The following LINGO2 variants were observed in gnomAD, a reference collection of about 807,000 sequenced individuals.
The protein encoded by LINGO2 is leucine rich repeat and Ig domain containing 2.
A neutral mutation model predicts 30.6 loss-of-function variants in LINGO2; 14 were observed. That is an observed-to-expected ratio of 0.46 (90% CI 0.30 to 0.72). The LOEUF is 0.72. Ranked by LOEUF, LINGO2 falls within the 30% of genes least tolerant of loss-of-function variation. The pLI is 0.07. For missense variants in LINGO2, 729 were observed against 751.7 expected, an observed-to-expected ratio of 0.97 and a Z score of 0.35; for synonymous variants, 317 against 288.5, an observed-to-expected ratio of 1.10 and a Z score of -1.00.
chr9:28,983,380 GA>G, the LINGO2 span, among the ~76,000 whole-genome samples: 73 of 148,836 alleles, frequency 4.9e-4, no homozygotes, highest in African/African-American at 1.7e-3. Context: ...CAGCAATGCT[GA>G]AAAGTTCATT....
At chr9:29,066,674 T>C in the LINGO2 span, among the ~76,000 whole-genome samples, 10 of 152,010 alleles carry the variant, frequency 6.6e-5, no homozygotes, top group South Asian at 4.1e-4. Context: ...GGTGGTGATA[T>C]AGAGAATGAA....
intron 4 of LINGO2, among the ~76,000 whole-genome samples, chr9:28,186,661 A>G (rs1254022051): frequency 6.6e-6 from 1 of 152,138 alleles, no homozygotes; most frequent in South Asian, 2.1e-4. Flanking sequence ...AGAATCAAAA[A>G]ATGTGAAGAC....
At chr9:28,383,571 G>A (rs1821445966) in intron 2 of LINGO2, among the ~76,000 whole-genome samples, 2 of 152,018 alleles carry the variant, frequency 1.3e-5, no homozygotes, top group Admixed American at 6.6e-5. Flanking sequence ...GAAACTCACA[G>A]TGCACGAAGC....
At chr9:28,076,353 T>C (rs1196238599) in intron 4 of LINGO2, among the ~76,000 whole-genome samples, 1 of 152,092 alleles carries the variant, frequency 6.6e-6, no homozygotes, top group Non-Finnish European at 1.5e-5. Context: ...GCATACTTAA[T>C]AAAATCTAAA....
At chr9:29,203,163 T>C in the LINGO2 span, among the ~76,000 whole-genome samples, 22 of 152,084 alleles carry the variant, frequency 1.4e-4, no homozygotes, top group African/African-American at 5.3e-4. Context: ...AGAATGATCT[T>C]CGCTGATTAT....
At chr9:28,256,714 C>T (rs1822395161) in intron 4 of LINGO2, among the ~76,000 whole-genome samples, 1 of 151,706 alleles carries the variant, frequency 6.6e-6, no homozygotes, top group Non-Finnish European at 1.5e-5. Flanking sequence ...AATAGAAATG[C>T]TTCATTAAAA....
chr9:28,620,574 G>A (rs1394602286), intron 1 of LINGO2, among the ~76,000 whole-genome samples: 2 of 152,072 alleles, frequency 1.3e-5, no homozygotes, highest in African/African-American at 4.8e-5. Context: ...GACCTTTCAA[G>A]GCCGGGACCT....
the LINGO2 span, among the ~76,000 whole-genome samples, chr9:29,175,189 G>A: frequency 9.9e-5 from 15 of 152,232 alleles, no homozygotes; most frequent in African/African-American, 2.9e-4. Flanking sequence ...AACCTGGGAG[G>A]TGGAGGTTGC....
In LINGO2 at chr9:28,059,388, C is replaced by T. The variant is rs181150616; in HGVS notation, c.-86-46983G>A. On this transcript the variant is annotated intron_variant, in intron 4 of 5. Transcript: ENST00000379992. The stretch of plus-strand genomic sequence containing the variant: ...CCCACCGGGTCCCAGCTTTGTTTCT[C>T]GAACTGTCTTTTTCTCAATCCTTTG... Among the ~76,000 whole-genome samples the T allele has an allele frequency of 5.2e-4, 79 of 152,150 alleles. 1 individual carries two copies. Among genetic ancestry groups the T allele is most frequent in the African/African-American group, 1.8e-3 (74 of 41,492 alleles).
chr9:28,005,719 AT>A (rs1822233261), intron 5 of LINGO2, among the ~76,000 whole-genome samples: 1 of 152,074 alleles, frequency 6.6e-6, no homozygotes, highest in South Asian at 2.1e-4. Context: ...CAATGAATTT[AT>A]TTTTAATATA....
chr9:28,887,734 T>A, the LINGO2 span, among the ~76,000 whole-genome samples: 1 of 152,018 alleles, frequency 6.6e-6, no homozygotes, highest in African/African-American at 2.4e-5. Flanking sequence ...TAATCCTAGA[T>A]TGTGAAAGAG....
At chr9:28,059,357 C>T (rs895140923) in intron 4 of LINGO2, among the ~76,000 whole-genome samples, 1 of 152,018 alleles carries the variant, frequency 6.6e-6, no homozygotes, top group Non-Finnish European at 1.5e-5. Context: ...AGTGATGCCC[C>T]CCCACCCCAC....
chr9:29,183,693 G>C, the LINGO2 span, among the ~76,000 whole-genome samples: 2 of 151,900 alleles, frequency 1.3e-5, no homozygotes, highest in African/African-American at 2.4e-5. Flanking sequence ...TTTTTCCCTT[G>C]ATCTCCTCTG....
chr9:28,219,254 C>G (rs1820876098), intron 4 of LINGO2, among the ~76,000 whole-genome samples: 1 of 152,172 alleles, frequency 6.6e-6, no homozygotes, highest in Non-Finnish European at 1.5e-5. Flanking sequence ...AGATATAATT[C>G]TTGCTTTCAA....
chr9:28,058,051 C>T (rs914123961), intron 4 of LINGO2, among the ~76,000 whole-genome samples: 2 of 152,118 alleles, frequency 1.3e-5, no homozygotes, highest in Non-Finnish European at 2.9e-5. Context: ...TGGAGGCAAG[C>T]ATTTGCCTGA....
intron 3 of LINGO2, among the ~76,000 whole-genome samples, chr9:28,347,279 T>C (rs997753729): frequency 1.3e-5 from 2 of 152,200 alleles, no homozygotes; most frequent in Non-Finnish European, 2.9e-5. Context: ...TCCTAGTTCC[T>C]ATGATTAAGG....
At chr9:28,320,626 G>A (rs72709379) in intron 3 of LINGO2, among the ~76,000 whole-genome samples, 38,520 of 152,070 alleles carry the variant, frequency 0.25, 5,165 homozygotes, top group South Asian at 0.4. Flanking sequence ...GGCACAGGAC[G>A]CAGAAGTGGA....
At chr9:28,402,045 A>G (rs10968562) in intron 2 of LINGO2, among the ~76,000 whole-genome samples, 24,599 of 152,058 alleles carry the variant, frequency 0.16, 2,380 homozygotes, top group African/African-American at 0.24. Flanking sequence ...TAAGATTTAT[A>G]AGGAAAGACT....
At chr9:28,387,219 A>G (rs1030557635) in intron 2 of LINGO2, among the ~76,000 whole-genome samples, 3 of 152,144 alleles carry the variant, frequency 2.0e-5, no homozygotes, top group African/African-American at 4.8e-5. Context: ...GTGTCTTGCT[A>G]AAGGTTTGTA....
Sources: gnomAD v4.1 joint callset for allele counts (sites outside exome capture counted in the v4.1 genomes callset) on GRCh38, gnomAD v4.1.1 for gene constraint, MANE v1.5 for transcripts, NCBI Gene and HGNC (gene_info 2026-07-23, HGNC 2026-07-21) for gene names.